CCDC85C: variants seen among roughly 807,000 people sequenced by gnomAD.
CCDC85C encodes the protein coiled-coil domain-containing protein 85C.
Under a neutral mutation model 38.3 loss-of-function variants are expected in CCDC85C, and 18 were observed. The observed-to-expected ratio is 0.47, with a 90% CI of 0.33 to 0.70. CCDC85C has a LOEUF of 0.70. CCDC85C is among the 30% of genes least tolerant of loss of function. The pLI is 0.03. For synonymous variants in CCDC85C, 264 were observed against 293.8 expected, an observed-to-expected ratio of 0.90 and a Z score of 1.04; for missense variants, 566 against 621.2, an observed-to-expected ratio of 0.91 and a Z score of 0.94.
At position 99,603,706 on chromosome 14, in the gene CCDC85C, CGCAGCTCCTGGTTGTCGTCCT is replaced by C; in HGVS notation, c.233_253del (p.Gln78_Leu84del). ...GTCGTCGAGGAAGCAGCAGAGCTCG[CGCAGCTCCTGGTTGTCGTCCT>C]GCAGCCGCTGGTTCACGTCCTTGAG... On this transcript the variant is annotated inframe_deletion, in exon 1 of 6. Coordinates refer to ENST00000380243, the MANE Select transcript of CCDC85C (RefSeq NM_001144995.2). This position sits in a 1 kb window ranked among gnomAD's most constrained non-coding sequence, Gnocchi z 7.5. 1 of 1,514,756 alleles carries C rather than the reference CGCAGCTCCTGGTTGTCGTCCT, an allele frequency of 6.6e-7. No homozygotes were observed. Among genetic ancestry groups the C allele is most frequent in the African/African-American group, 1.4e-5 (1 of 70,492 alleles). 93.8% of individuals were successfully genotyped at this position (1,514,756 alleles called of 1,614,324 possible). A position where few individuals can be genotyped will look rare whatever the true frequency, so the allele number is the denominator to read the frequency against.
chr14:99,508,703 G>C lies in CCDC85C; in HGVS notation c.*6543C>G, dbSNP rs1287834273. On this transcript the variant is annotated 3_prime_UTR_variant, in exon 6 of 6. Coordinates refer to ENST00000380243, the MANE Select transcript of CCDC85C (RefSeq NM_001144995.2). ...GAGCAAGTGTACAGAGAGGGAATGG[G>C]GTGCCCAGGAGAGACCCCCACTTGC... 1 of 152,540 alleles carries C rather than the reference G, an allele frequency of 6.6e-6. No homozygotes were observed. The highest frequency in any genetic ancestry group is 2.4e-5 in the African/African-American group (1 of 41,454). The allele number at this position is 152,540 out of a possible 1,614,324, so 9.4% of individuals were successfully genotyped here.
chr14:99,510,397 C>T lies in CCDC85C; in HGVS notation c.*4849G>A. On this transcript the variant is annotated 3_prime_UTR_variant, in exon 6 of 6. Transcript: ENST00000380243. ...CAGAGCCTGCAGTCCATGATGAAGACCGAGGGACCCTCCTACGGTGCCCTG... is the reference window on the plus strand; with the variant it reads ...CAGAGCCTGCAGTCCATGATGAAGATCGAGGGACCCTCCTACGGTGCCCTG... The T allele has an allele frequency of 6.4e-7, 1 of 1,562,772 alleles. No individual in the cohort carries two copies. Among genetic ancestry groups the T allele is most frequent in the Non-Finnish European group, 8.7e-7 (1 of 1,155,480 alleles).
rs1389397648 is a variant in CCDC85C, at chr14:99,588,512, T to C, written c.793+14655A>G. Reference sequence around the variant, plus strand: ...TGGGAGTATGAAGGAGAGATCAAGGTTGTAATTCAAAAGAAAATGAGATTT... The same window carrying C: ...TGGGAGTATGAAGGAGAGATCAAGGCTGTAATTCAAAAGAAAATGAGATTT... On this transcript the variant is annotated intron_variant, in intron 1 of 5. Transcript: ENST00000380243. The surrounding 1 kb of genome is among the most constrained non-coding windows in gnomAD (Gnocchi z 5.0). Among the ~76,000 whole-genome samples, 1 of 151,826 alleles carries C rather than the reference T, an allele frequency of 6.6e-6. No homozygotes were observed. Among genetic ancestry groups the C allele is most frequent in the East Asian group, 1.9e-4 (1 of 5,138 alleles).
intron 1 of CCDC85C, among the ~76,000 whole-genome samples, chr14:99,584,106 G>A (rs1007564154): frequency 2.6e-5 from 4 of 152,026 alleles, no homozygotes; most frequent in Non-Finnish European, 4.4e-5. Context: ...TGTTCAGGCT[G>A]GCCTCCAACT....
In CCDC85C at chr14:99,578,107, AGTGTGT is replaced by A. The variant is rs58957780; in HGVS notation, c.793+25054_793+25059del. Among the ~76,000 whole-genome samples the A allele has an allele frequency of 1.0e-3, 79 of 76,098 alleles. 1 individual carries two copies. Among genetic ancestry groups the A allele is most frequent in the Middle Eastern group, 0.015 (1 of 68 alleles). 49.9% of individuals were successfully genotyped at this position (76,098 alleles called of 152,430 possible). A position where few individuals can be genotyped will look rare whatever the true frequency, so the allele number is the denominator to read the frequency against. On this transcript the variant is annotated intron_variant, in intron 1 of 5. Coordinates refer to ENST00000380243, the MANE Select transcript of CCDC85C (RefSeq NM_001144995.2). The stretch of plus-strand genomic sequence containing the variant: ...TACAGCCCGTCCTGTATCCCCCATC[AGTGTGT>A]GTGTGTGTGTGTGTGTGTGTACACA...
chr14:99,517,214 C>A, intron 3 of CCDC85C, 31 bp from the exon 4 acceptor site: 1 of 1,483,232 alleles, frequency 6.7e-7, no homozygotes, highest in Non-Finnish European at 9.1e-7. Flanking sequence ...TCTCAGCTCA[C>A]CCTGGCTGGC....
At chr14:99,578,176 A>AGT (rs768625861) in intron 1 of CCDC85C, among the ~76,000 whole-genome samples, 1,401 of 68,088 alleles carry the variant, frequency 0.021, 133 homozygotes, top group African/African-American at 0.073. Context: ...ATCCCCCATC[A>AGT]GTGTGTGTGT....
chr14:99,516,355 C>G lies in CCDC85C; in HGVS notation c.1072-69G>C. On this transcript the variant is annotated intron_variant, in intron 4 of 5. Coordinates refer to ENST00000380243, the MANE Select transcript of CCDC85C (RefSeq NM_001144995.2). The surrounding 1 kb of genome is among the most constrained non-coding windows in gnomAD (Gnocchi z 5.5). ...AGACCTCGGGCAAGTCACCTGGCCC[C>G]TGATCCTCAGCCTCCCCTGCTGCGA... 1 of 1,154,232 alleles carries G rather than the reference C, an allele frequency of 8.7e-7. No individual in the cohort carries two copies. The highest frequency in any genetic ancestry group is 1.3e-6 in the Non-Finnish European group (1 of 789,398). The allele number at this position is 1,154,232 out of a possible 1,614,324, so 71.5% of individuals were successfully genotyped here. A position where few individuals can be genotyped will look rare whatever the true frequency, so the allele number is the denominator to read the frequency against.
chr14:99,591,615 G>A (rs771771301), intron 1 of CCDC85C, among the ~76,000 whole-genome samples: 97 of 152,218 alleles, frequency 6.4e-4, no homozygotes, highest in Non-Finnish European at 1.1e-3. Context: ...CACAGCAAGT[G>A]GTCCTGGGGC....
At chr14:99,532,154 G>C (rs1897506121) in intron 2 of CCDC85C, among the ~76,000 whole-genome samples, 1 of 152,220 alleles carries the variant, frequency 6.6e-6, no homozygotes, top group Non-Finnish European at 1.5e-5. Flanking sequence ...GATCCACAAG[G>C]GTGGGTCATG....
At chr14:99,596,745 AAT>A (rs1222759223) in intron 1 of CCDC85C, among the ~76,000 whole-genome samples, 11 of 152,210 alleles carry the variant, frequency 7.2e-5, no homozygotes, top group African/African-American at 2.7e-4. Flanking sequence ...TGGGGATGCC[AAT>A]AGAGTCTCTT....
chr14:99,534,073 G>C (rs1897544450), intron 2 of CCDC85C, among the ~76,000 whole-genome samples: 2 of 152,068 alleles, frequency 1.3e-5, no homozygotes, highest in African/African-American at 4.8e-5. Flanking sequence ...TAACACTGCA[G>C]GGCCGGGCGT....
In CCDC85C at chr14:99,501,757, A is replaced by G. The variant is rs527591079; in HGVS notation, c.*13489T>C. ...CCTGGTATAGTTTTAGAGCCTTAAC[A>G]CTCTTTTGAGAGGCCAGGGATCTAA... On this transcript the variant is annotated 3_prime_UTR_variant, in exon 6 of 6. Transcript: ENST00000380243. 9.1e-5 allele frequency: 24 copies of G among 263,972 alleles called. No homozygotes were observed. The highest frequency in any genetic ancestry group is 1.4e-4 in the Non-Finnish European group (19 of 140,246). The allele number at this position is 263,972 out of a possible 1,614,324, so 16.4% of individuals were successfully genotyped here.
intron 1 of CCDC85C, among the ~76,000 whole-genome samples, chr14:99,563,920 C>T (rs1222609843): frequency 2.0e-5 from 3 of 152,194 alleles, no homozygotes; most frequent in Non-Finnish European, 4.4e-5. Flanking sequence ...GCAATGGAAC[C>T]CTGGGCTGTT....
At position 99,517,242 on chromosome 14, in the gene CCDC85C, G is replaced by C. The variant is rs553581411; in HGVS notation, c.976-59C>G. 283 of 1,358,356 alleles carry C rather than the reference G, an allele frequency of 2.1e-4. 3 individuals carry two copies. The South Asian group carries it at 3.8e-3, about 18-fold the overall frequency. The allele number at this position is 1,358,356 out of a possible 1,614,324, so 84.1% of individuals were successfully genotyped here. A position where few individuals can be genotyped will look rare whatever the true frequency, so the allele number is the denominator to read the frequency against. On this transcript the variant is annotated intron_variant, in intron 3 of 5. Transcript: ENST00000380243. ...TGGCTGGCTCCCACAGGAATGACCG[G>C]TGGCTCAGACAAGGCCCCCATTCTG...
chr14:99,510,989 G>C lies in CCDC85C; in HGVS notation c.*4257C>G. ...CAGCTTTCAGAGTAGCCTCATCAGT[G>C]CCCTTGCAGTCTGACTGTGTACACT... On this transcript the variant is annotated 3_prime_UTR_variant, in exon 6 of 6. Transcript: ENST00000380243. 1 of 400,916 alleles carries C rather than the reference G, an allele frequency of 2.5e-6. No homozygotes were observed. Among genetic ancestry groups the C allele is most frequent in the Non-Finnish European group, 4.4e-6 (1 of 229,678 alleles). The allele number at this position is 400,916 out of a possible 1,614,324, so 24.8% of individuals were successfully genotyped here. A position where few individuals can be genotyped will look rare whatever the true frequency, so the allele number is the denominator to read the frequency against.
rs1595333851 is a variant in CCDC85C at position 99,513,443 on chromosome 14, C to G, written c.*1803G>C. The G allele has an allele frequency of 6.6e-6, 1 of 152,324 alleles. No individual in the cohort carries two copies. The highest frequency in any genetic ancestry group is 6.5e-5 in the Admixed American group (1 of 15,290). The allele number at this position is 152,324 out of a possible 1,614,324, so 9.4% of individuals were successfully genotyped here. On this transcript the variant is annotated 3_prime_UTR_variant, in exon 6 of 6. Transcript: ENST00000380243. ...GCGCACCACCTGACCGGGCGACACT[C>G]CTTCCCAAAGAGCCTCCTGGCAACA... is the stretch of plus-strand genomic sequence containing the variant.
intron 1 of CCDC85C, among the ~76,000 whole-genome samples, chr14:99,538,051 C>T (rs1897639694): frequency 6.6e-6 from 1 of 152,194 alleles, no homozygotes; most frequent in African/African-American, 2.4e-5. Context: ...GACTATGGAC[C>T]CACGTGTGGG....
chr14:99,508,242 C>G lies in CCDC85C; in HGVS notation c.*7004G>C, dbSNP rs1405843931. ...CCAAAACCCCCAATTCAATATGAAC[C>G]TTACTTAAATGCCTGTGGTTGCTCA... is the stretch of plus-strand genomic sequence containing the variant. On this transcript the variant is annotated 3_prime_UTR_variant, in exon 6 of 6. Coordinates refer to ENST00000380243, the MANE Select transcript of CCDC85C (RefSeq NM_001144995.2). 1.3e-5 allele frequency: 2 copies of G among 152,264 alleles called. No individual in the cohort carries two copies. The highest frequency in any genetic ancestry group is 4.8e-5 in the African/African-American group (2 of 41,464). 9.4% of individuals were successfully genotyped at this position (152,264 alleles called of 1,614,324 possible).
Sources: gnomAD v4.1 joint callset for allele counts (sites outside exome capture counted in the v4.1 genomes callset) on GRCh38, gnomAD v4.1.1 for gene constraint, Gnocchi (gnomAD v3.1) non-coding constraint, MANE v1.5 for transcripts, NCBI Gene and HGNC (gene_info 2026-07-23, HGNC 2026-07-21) for gene names.